ARAP1: variants seen among roughly 807,000 people sequenced by gnomAD.
ARAP1 encodes arf-GAP with Rho-GAP domain, ANK repeat and PH domain-containing protein 1.
A neutral mutation model predicts 172.2 loss-of-function variants in ARAP1; 76 were observed. The observed-to-expected ratio is 0.44, with a 90% confidence interval of 0.37 to 0.53. The LOEUF is 0.53. Among genes scored for constraint, ARAP1 ranks in the 20% least tolerant of loss-of-function variants. The probability of loss-of-function intolerance (pLI) is 0.00; values close to 1 mark genes in which losing one functional copy is unlikely to be tolerated. For missense variants in ARAP1, 1,686 were observed against 1,977.5 expected (o/e 0.85, Z 2.80); for synonymous variants, 804 against 803.3 (o/e 1.00, Z -0.01).
rs1238221595 is a variant in ARAP1, at chr11:72,725,979, G to T, written c.509+641C>A. 6.6e-6 allele frequency among the ~76,000 whole-genome samples: 1 copy of T among 152,112 alleles called. No individual in the cohort carries two copies. Among genetic ancestry groups the T allele is most frequent in the African/African-American group, 2.4e-5 (1 of 41,402 alleles). On this transcript the variant is annotated intron_variant, in intron 3 of 34. Transcript: ENST00000393609. This position sits in a 1 kb window ranked among gnomAD's most constrained non-coding sequence, Gnocchi z 4.3. ...GATGGCAGGAAGGGAGGGCGTCTGT[G>T]AAGGAGATTAACATGGAATATCCAC...
rs763661774 is a variant in ARAP1, at chr11:72,688,479, T to G, written c.4046A>C (p.Lys1349Thr). Reference sequence around the variant, plus strand: ...CCAGGTGGGTGGCCTGAGTTTCTTCTTCACTCCCAGGTAGACTTTGAGACT... The same window carrying G: ...CCAGGTGGGTGGCCTGAGTTTCTTCGTCACTCCCAGGTAGACTTTGAGACT... ...IKSLKVYLGV[K>T]KKLRPPTCWG... Residue 1349 changes from lysine to threonine, a missense_variant, in exon 31 of 35, where the codon AAG (lysine) becomes ACG (threonine). By Grantham distance (78) the Lys-to-Thr change is moderately conservative (BLOSUM62 -1). This residue lies in a region of ARAP1 where 379 missense variants were observed against 500.1 expected (regional missense o/e 0.76). Transcript: ENST00000393609. 1.9e-6 allele frequency: 3 copies of G among 1,612,616 alleles called. No individual in the cohort carries two copies. Among genetic ancestry groups the G allele is most frequent in the Non-Finnish European group, 2.5e-6 (3 of 1,179,388 alleles).
At chr11:72,729,790 T>A (rs1857803296) in intron 2 of ARAP1, among the ~76,000 whole-genome samples, 1 of 151,398 alleles carries the variant, frequency 6.6e-6, no homozygotes, top group African/African-American at 2.4e-5. Context: ...AGCTGCACAC[T>A]TGTAGTCTCA....
chr11:72,706,865 A>G (rs933636291), intron 12 of ARAP1, among the ~76,000 whole-genome samples: 1 of 152,138 alleles, frequency 6.6e-6, no homozygotes, highest in African/African-American at 2.4e-5. Context: ...TATTCTTCTG[A>G]CATGAGAGGA....
intron 22 of ARAP1, 82 bp downstream of exon 22, chr11:72,696,901 G>T (rs1295686936): frequency 2.1e-6 from 3 of 1,415,216 alleles, no homozygotes; most frequent in Admixed American, 2.0e-5. Flanking sequence ...TAAGCCTAGT[G>T]CAAGTGCCAC....
intron 30 of ARAP1, among the ~76,000 whole-genome samples, chr11:72,689,817 G>A (rs1855862620): frequency 1.3e-5 from 2 of 152,204 alleles, no homozygotes; most frequent in African/African-American, 4.8e-5. Flanking sequence ...GAACAATCAG[G>A]GCTGCAGACA....
At chr11:72,729,586 G>GA (rs897608939) in intron 2 of ARAP1, among the ~76,000 whole-genome samples, 33 of 146,202 alleles carry the variant, frequency 2.3e-4, no homozygotes, top group African/African-American at 6.8e-4. Flanking sequence ...CTCCACTTCA[G>GA]AAAAAAAAAT....
At chr11:72,705,575 T>TA (rs139838152) in intron 13 of ARAP1, 4,777 of 453,326 alleles carry the variant, frequency 0.011, 150 homozygotes, top group African/African-American at 0.083. Context: ...TTTTTTTCTT[T>TA]AAAAAAAAAT....
Position 72,687,722 on chromosome 11 carries a change from C to T in ARAP1, c.4087G>A (p.Val1363Met), listed in dbSNP as rs561588357. ...RPPTCWGFTV[V>M]HETEKHEKQQ... is the part of the protein sequence containing the mutation. Reference sequence around the variant, plus strand: ...TTCTCATGTTTCTCTGTCTCATGCACCACTGTGAAGCCCCAGCTACAGAGG... The same window carrying T: ...TTCTCATGTTTCTCTGTCTCATGCATCACTGTGAAGCCCCAGCTACAGAGG... Residue 1363 changes from valine (V) to methionine (M), a missense_variant, in exon 32 of 35, where the codon GTG becomes ATG. Physicochemically the swap from Val to Met is conservative, Grantham distance 21 (BLOSUM62 1). Coordinates refer to ENST00000393609, the MANE Select transcript of ARAP1 (RefSeq NM_001040118.3). 12 of 1,614,168 alleles carry T rather than the reference C, an allele frequency of 7.4e-6. No individual in the cohort carries two copies. In the African/African-American group the frequency reaches 1.6e-4, roughly 22 times the overall value.
At chr11:72,709,678 A>T (rs1250759978) in intron 11 of ARAP1, among the ~76,000 whole-genome samples, 192 bp downstream of exon 11, 1 of 151,910 alleles carries the variant, frequency 6.6e-6, no homozygotes, top group African/African-American at 2.4e-5. Flanking sequence ...CACAGGGGAG[A>T]GTAAGACCTC....
chr11:72,712,602 C>G (rs1292979080), intron 5 of ARAP1, 34 bp from the exon 6 acceptor site: 1 of 1,609,326 alleles, frequency 6.2e-7, no homozygotes, highest in African/African-American at 1.3e-5. Context: ...TCATCCTTCC[C>G]TTCAAGCCAC....
At position 72,742,117 on chromosome 11, in the gene ARAP1, C is replaced by A. The variant is rs1858217398; in HGVS notation, c.-127-9520G>T. Among the ~76,000 whole-genome samples, 3 of 152,214 alleles carry A rather than the reference C, an allele frequency of 2.0e-5. No homozygotes were observed. In the South Asian group the frequency reaches 6.2e-4, roughly 32 times the overall value. ...GGAAAGAGGGAGACAGGGGGACCAG[C>A]CCCACAGGCTTTGGCCTCCAATTTG... On this transcript the variant is annotated intron_variant, in intron 1 of 34. Coordinates refer to ENST00000393609, the MANE Select transcript of ARAP1 (RefSeq NM_001040118.3).
chr11:72,717,804 C>T (rs1011313943), intron 3 of ARAP1, among the ~76,000 whole-genome samples: 3 of 152,170 alleles, frequency 2.0e-5, no homozygotes, highest in Admixed American at 6.5e-5. Flanking sequence ...AGGAGAAAAC[C>T]GAGGCACAGG....
At chr11:72,722,231 G>C in intron 3 of ARAP1, 1 of 985,768 alleles carries the variant, frequency 1.0e-6, no homozygotes, top group Non-Finnish European at 1.2e-6. Context: ...GTGTGTCTGT[G>C]TGTATGTGTG....
chr11:72,734,846 A>G lies in ARAP1; in HGVS notation c.-127-2249T>C, dbSNP rs1453612455. Among the ~76,000 whole-genome samples, 5 of 152,206 alleles carry G rather than the reference A, an allele frequency of 3.3e-5. No homozygotes were observed. The East Asian group carries it at 9.6e-4, about 29-fold the overall frequency. Reference sequence around the variant, plus strand: ...TGGATTTTGAAGACTGAGCACAAAAAAAAAAAAAAAGAATGCAAAATATCT... The same window carrying G: ...TGGATTTTGAAGACTGAGCACAAAAGAAAAAAAAAAGAATGCAAAATATCT... On this transcript the variant is annotated intron_variant, in intron 1 of 34. Transcript: ENST00000393609.
At position 72,693,590 on chromosome 11, in the gene ARAP1, C is replaced by T. The variant is rs996352907; in HGVS notation, c.3808+102G>A. ...TCTCCATAGAGGCCCACCCACTTGGCGCCCTCTGTCTGAGCTGTTCCTACC... is the reference window on the plus strand; with the variant it reads ...TCTCCATAGAGGCCCACCCACTTGGTGCCCTCTGTCTGAGCTGTTCCTACC... On this transcript the variant is annotated intron_variant, in intron 28 of 34. Transcript: ENST00000393609. The surrounding 1 kb of genome is among the most constrained non-coding windows in gnomAD (Gnocchi z 4.6). The T allele has an allele frequency of 3.7e-5, 56 of 1,526,472 alleles. No homozygotes were observed. The highest frequency in any genetic ancestry group is 4.6e-5 in the Non-Finnish European group (52 of 1,130,520). The allele number at this position is 1,526,472 out of a possible 1,614,324, so 94.6% of individuals were successfully genotyped here.
At position 72,697,463 on chromosome 11, in the gene ARAP1, C is replaced by A; in HGVS notation, c.2813G>T (p.Arg938Leu). Residue 938 changes from arginine to leucine, a missense_variant, in exon 21 of 35, where the codon CGG (arginine) becomes CTG (leucine). This residue lies in a region of ARAP1 where 274 missense variants were observed against 262.7 expected (regional missense o/e 1.04). Transcript: ENST00000393609. ...RRRTLYIQGE[R>L]RLDFMGWLGA... ...CAGCCAACCCATGAAGTCCAGCCGC[C>A]GCTCGCCCTGTATGTACAGTGTCCT... 6.2e-7 allele frequency: 1 copy of A among 1,613,452 alleles called. No homozygotes were observed. Among genetic ancestry groups the A allele is most frequent in the Non-Finnish European group, 8.5e-7 (1 of 1,179,890 alleles).
intron 19 of ARAP1, 96 bp from the exon 20 acceptor site, chr11:72,697,745 C>T (rs1856280239): frequency 2.6e-6 from 4 of 1,560,568 alleles, no homozygotes; most frequent in African/African-American, 1.4e-5. Flanking sequence ...TTGAGACCCG[C>T]CCACCAATGT....
At position 72,712,467 on chromosome 11, in the gene ARAP1, C is replaced by G; in HGVS notation, c.849G>C (p.Glu283Asp). 1.2e-6 allele frequency: 2 copies of G among 1,603,996 alleles called. No individual in the cohort carries two copies. Among genetic ancestry groups the G allele is most frequent in the Non-Finnish European group, 1.7e-6 (2 of 1,172,688 alleles). Residue 283 changes from glutamate (E) to aspartate (D), a missense_variant, in exon 6 of 35, where the codon GAG becomes GAC. Glu to Asp is a conservative substitution (Grantham distance 45, BLOSUM62 2). Around this residue, in one of 5 missense-constraint regions of ARAP1, gnomAD observed 688 missense variants for 856.9 expected, o/e 0.80. Transcript: ENST00000393609. ...LSGDDQGDEEEDDHAYEGVPN... is the reference protein window; with the variant it reads ...LSGDDQGDEEDDDHAYEGVPN... ...GGACGCCCTCATAGGCGTGGTCATC[C>G]TCTTCCTCATCCCCTTGGTCGTCCC... is the stretch of plus-strand genomic sequence containing the variant.
At chr11:72,696,147 T>C (rs1856179672) in intron 23 of ARAP1, among the ~76,000 whole-genome samples, 1 of 151,042 alleles carries the variant, frequency 6.6e-6, no homozygotes, top group African/African-American at 2.4e-5. Context: ...AGACAATTTT[T>C]CCAAGGACAG....
Sources: gnomAD v4.1 joint callset for allele counts (sites outside exome capture counted in the v4.1 genomes callset) on GRCh38, gnomAD v4.1.1 for gene constraint, gnomAD v4.1.1 regional missense constraint, Gnocchi (gnomAD v3.1) non-coding constraint, MANE v1.5 for transcripts, NCBI Gene and HGNC (gene_info 2026-07-23, HGNC 2026-07-21) for gene names.